MYH10: variants seen among roughly 807,000 people sequenced by gnomAD.
MYH10 encodes myosin-10.
A neutral mutation model predicts 257.8 loss-of-function variants in MYH10; 55 were observed. The ratio of observed to expected loss-of-function variants is 0.21; its 90% CI spans 0.17 to 0.27. MYH10 has a LOEUF of 0.27. Among genes scored for constraint, MYH10 ranks in the 10% least tolerant of loss-of-function variants. MYH10 has a pLI of 1.00. For missense variants in MYH10, 1,631 were observed against 2,500.6 expected (o/e 0.65, Z 7.42); for synonymous variants, 854 against 921.7 (o/e 0.93, Z 1.33).
At chr17:8,571,774 A>G (rs371254761) in intron 6 of MYH10, among the ~76,000 whole-genome samples, 2 of 152,258 alleles carry the variant, frequency 1.3e-5, no homozygotes, top group East Asian at 3.9e-4. Context: ...AATAAAAAAT[A>G]AAAATTAAAA....
At chr17:8,621,237 A>C (rs1361585103) in intron 2 of MYH10, among the ~76,000 whole-genome samples, 3 of 152,106 alleles carry the variant, frequency 2.0e-5, no homozygotes, top group Non-Finnish European at 4.4e-5. Flanking sequence ...TCAACCTCTC[A>C]AATCTTACAT....
chr17:8,609,983 A>C (rs545698947), intron 2 of MYH10, among the ~76,000 whole-genome samples: 107 of 151,978 alleles, frequency 7.0e-4, no homozygotes, highest in Non-Finnish European at 8.4e-4. Flanking sequence ...TAACAAACGC[A>C]GAAGGAATAA....
In MYH10 at chr17:8,526,957, G is replaced by A. The variant is rs576765484; in HGVS notation, c.1957+3666C>T. Among the ~76,000 whole-genome samples the A allele has an allele frequency of 9.1e-4, 139 of 152,238 alleles. 1 individual carries two copies. The highest frequency in any genetic ancestry group is 1.7e-3 in the African/African-American group (71 of 41,536). ...CTGATGACTGAGAGCAGCATCACGC[G>A]CTCCTCATGAAAGGTATCCAGTGCC... On this transcript the variant is annotated intron_variant, in intron 17 of 42. Coordinates refer to ENST00000360416, the MANE Select transcript of MYH10 (RefSeq NM_001256012.3).
intron 3 of MYH10, among the ~76,000 whole-genome samples, chr17:8,601,330 T>C (rs746697132): frequency 6.6e-6 from 1 of 152,178 alleles, no homozygotes; most frequent in South Asian, 2.1e-4. Context: ...TCGGTGTTCC[T>C]AAATTCAGTT....
chr17:8,557,898 C>T (rs1024342986), intron 7 of MYH10, among the ~76,000 whole-genome samples: 1 of 152,162 alleles, frequency 6.6e-6, no homozygotes, highest in African/African-American at 2.4e-5. Context: ...TGGTGTTAGT[C>T]ACCAAACCTG....
chr17:8,618,437 C>T (rs879275397), intron 2 of MYH10, among the ~76,000 whole-genome samples: 2 of 152,080 alleles, frequency 1.3e-5, no homozygotes, highest in Admixed American at 1.3e-4. Flanking sequence ...CAGGGTTTCT[C>T]CATGTTGGTC....
At chr17:8,622,147 C>T (rs767769199) in intron 2 of MYH10, among the ~76,000 whole-genome samples, 2 of 152,180 alleles carry the variant, frequency 1.3e-5, no homozygotes, top group Non-Finnish European at 2.9e-5. Flanking sequence ...TTCCCTTCAT[C>T]GTCAGTTTAA....
At chr17:8,554,506 G>C (rs2082727952) in intron 7 of MYH10, among the ~76,000 whole-genome samples, 1 of 110,774 alleles carries the variant, frequency 9.0e-6, no homozygotes, top group Admixed American at 9.8e-5. Context: ...TGCTGGATTA[G>C]TCTTATGAAA....
chr17:8,620,704 G>C (rs781614454), intron 2 of MYH10, among the ~76,000 whole-genome samples: 16 of 152,070 alleles, frequency 1.1e-4, no homozygotes, highest in Non-Finnish European at 2.2e-4. Context: ...CACAATGCTA[G>C]CATGGCTCTC....
rs34409328 is a variant in MYH10, at chr17:8,518,025, C to CGTGTGTGTGTGTGTGTGT, written c.2504+588_2504+605dup. ...AGCAGGACCCCATACCCCTTGGCCCCGTGTGTGTGTGTGTGTGTGTGTGTG... is the reference window on the plus strand; with the variant it reads ...AGCAGGACCCCATACCCCTTGGCCCCGTGTGTGTGTGTGTGTGTGTGTGTGTGTGTGTGTGTGTGTGTG... On this transcript the variant is annotated intron_variant, in intron 21 of 42. Transcript: ENST00000360416. Among the ~76,000 whole-genome samples, 121 of 123,712 alleles carry CGTGTGTGTGTGTGTGTGT rather than the reference C, an allele frequency of 9.8e-4. 9 individuals carry two copies. The highest frequency in any genetic ancestry group is 3.2e-3 in the African/African-American group (102 of 31,926). The allele number at this position is 123,712 out of a possible 152,430, so 81.2% of individuals were successfully genotyped here.
chr17:8,483,944 G>GATAACTTTCTGTTTCCA (rs1914308097), intron 37 of MYH10, among the ~76,000 whole-genome samples, 194 bp downstream of exon 37: 2 of 152,290 alleles, frequency 1.3e-5, no homozygotes, highest in South Asian at 4.1e-4. Context: ...GTGTCGAAGT[G>GATAACTTTCTGTTTCCA]ATAACTTTCT....
chr17:8,553,810 G>A (rs113561895), intron 8 of MYH10, 145 bp downstream of exon 8: 2 of 628,604 alleles, frequency 3.2e-6, no homozygotes, highest in South Asian at 1.9e-5. Flanking sequence ...TTCACTAGTC[G>A]AAAGTATTTG....
chr17:8,515,130 G>A (rs1427198589), intron 21 of MYH10, among the ~76,000 whole-genome samples: 1 of 152,164 alleles, frequency 6.6e-6, no homozygotes, highest in African/African-American at 2.4e-5. Context: ...GATGTTTGTT[G>A]AGTAAATTAA....
chr17:8,519,936 TTTG>T (rs2081595598), intron 19 of MYH10, among the ~76,000 whole-genome samples: 2 of 152,242 alleles, frequency 1.3e-5, no homozygotes, highest in Admixed American at 6.5e-5. Context: ...TCTTTTCCCT[TTTG>T]TTTTTTCTTA....
Position 8,622,899 on chromosome 17 carries a change from T to C in MYH10, c.345+3A>G. 1 of 1,612,106 alleles carries C rather than the reference T, an allele frequency of 6.2e-7. No homozygotes were observed. The highest frequency in any genetic ancestry group is 8.5e-7 in the Non-Finnish European group (1 of 1,179,236). On this transcript the variant is annotated splice_donor_region_variant and intron_variant, in intron 2 of 42. Coordinates refer to ENST00000360416, the MANE Select transcript of MYH10 (RefSeq NM_001256012.3). Reference sequence around the variant, plus strand: ...CACATGATTATTTGGAAGAAATACTTACATAGATTAGTCCTGAATAGTAGC... The same window carrying C: ...CACATGATTATTTGGAAGAAATACTCACATAGATTAGTCCTGAATAGTAGC...
intron 4 of MYH10, among the ~76,000 whole-genome samples, chr17:8,582,833 AT>A (rs2083759645): frequency 6.6e-6 from 1 of 152,218 alleles, no homozygotes; most frequent in South Asian, 2.1e-4. Context: ...TCAGATCTTT[AT>A]TGGTAAAAAT....
At chr17:8,585,585 TC>T (rs1270780820) in intron 4 of MYH10, among the ~76,000 whole-genome samples, 7 of 152,036 alleles carry the variant, frequency 4.6e-5, no homozygotes, top group Non-Finnish European at 8.8e-5. Flanking sequence ...TTCATATTTT[TC>T]AGGGCACAAT....
intron 17 of MYH10, among the ~76,000 whole-genome samples, chr17:8,522,686 G>A (rs758239074): frequency 2.0e-5 from 3 of 152,066 alleles, no homozygotes; most frequent in Non-Finnish European, 4.4e-5. Flanking sequence ...TCAGAGCCAC[G>A]CTTCTTTCTT....
chr17:8,481,967 T>C (rs1913898639), intron 37 of MYH10, among the ~76,000 whole-genome samples: 1 of 152,154 alleles, frequency 6.6e-6, no homozygotes. Flanking sequence ...GCAAGGCCTC[T>C]TTCTTGAAGG....
Sources: allele counts gnomAD v4.1 joint callset (sites outside exome capture counted in the v4.1 genomes callset), GRCh38; gene constraint gnomAD v4.1.1; transcripts MANE v1.5; gene names NCBI Gene and HGNC (gene_info 2026-07-23, HGNC 2026-07-21).